The following RUNX2 variants were observed in gnomAD, a reference collection of about 807,000 sequenced individuals.
RUNX2 encodes runt-related transcription factor 2.
A neutral mutation model predicts 51.7 loss-of-function variants in RUNX2; 10 were observed. The observed-to-expected ratio is 0.19, with a 90% CI of 0.12 to 0.33. The LOEUF (loss-of-function observed/expected upper bound fraction) is 0.33. Ranked by LOEUF, RUNX2 falls within the 10% of genes least tolerant of loss-of-function variation. The pLI is 1.00. For missense variants in RUNX2, 562 were observed against 691.3 expected (o/e 0.81, Z 2.10); for synonymous variants, 276 against 273.6 (o/e 1.01, Z -0.09).
At chr6:45,521,719 T>A (rs542015180) in intron 7 of RUNX2, among the ~76,000 whole-genome samples, 3 of 152,304 alleles carry the variant, frequency 2.0e-5, no homozygotes, top group African/African-American at 7.2e-5. Flanking sequence ...CTGCCTGTTT[T>A]TTTTGACGCT....
chr6:45,547,389 T>C lies in RUNX2; in HGVS notation c.*84T>C, dbSNP rs1802435245. ...TACATATATAGAGAGAGTGCATATA[T>C]ATGTATATCGATTAGCTATCTACAA... On this transcript the variant is annotated 3_prime_UTR_variant, in exon 9 of 9. Transcript: ENST00000647337. 4 of 1,097,552 alleles carry C rather than the reference T, an allele frequency of 3.6e-6. No individual in the cohort carries two copies. In the Admixed American group the frequency reaches 5.1e-5, roughly 14 times the overall value. The allele number at this position is 1,097,552 out of a possible 1,614,324, so 68.0% of individuals were successfully genotyped here.
At chr6:45,451,811 C>A (rs1476554156) in intron 5 of RUNX2, among the ~76,000 whole-genome samples, 1 of 152,114 alleles carries the variant, frequency 6.6e-6, no homozygotes, top group Admixed American at 6.6e-5. Flanking sequence ...TTTAGTGATT[C>A]TCTGTGTGTT....
intron 2 of RUNX2, chr6:45,365,227 G>T: frequency 6.2e-7 from 1 of 1,611,682 alleles, no homozygotes; most frequent in Non-Finnish European, 8.5e-7. Context: ...CTGTTGCAAA[G>T]CTTATAGACT....
intron 4 of RUNX2, among the ~76,000 whole-genome samples, chr6:45,434,412 A>G (rs1798624731): frequency 1.3e-5 from 2 of 152,144 alleles, no homozygotes; most frequent in South Asian, 4.1e-4. Flanking sequence ...CAGTAGTGTT[A>G]TAAAAAAACA....
intron 7 of RUNX2, among the ~76,000 whole-genome samples, chr6:45,529,804 T>TGGG (rs1205987398): frequency 6.6e-6 from 1 of 152,184 alleles, no homozygotes; most frequent in Non-Finnish European, 1.5e-5. Flanking sequence ...TTTCTCCCCA[T>TGGG]GAGCCAAGAG....
chr6:45,401,060 G>A (rs9296459), intron 2 of RUNX2, among the ~76,000 whole-genome samples: 38,811 of 151,976 alleles, frequency 0.26, 6,052 homozygotes, highest in Non-Finnish European at 0.35. Flanking sequence ...GAAATTTTTC[G>A]TAATAAGATA....
chr6:45,422,993 AGCGGCGGAACCTGCCC>A (rs1487668855), intron 3 of RUNX2, 36 bp downstream of exon 3: 1 of 1,595,394 alleles, frequency 6.3e-7, no homozygotes, highest in Non-Finnish European at 8.5e-7. Context: ...CCCGGCCGGG[AGCGGCGGAACCTGCCC>A]GCCGGTGTCT....
intron 2 of RUNX2, among the ~76,000 whole-genome samples, chr6:45,337,968 A>C (rs865926698): frequency 6.6e-6 from 1 of 151,994 alleles, no homozygotes; most frequent in Non-Finnish European, 1.5e-5. Flanking sequence ...ATTTTAAAGG[A>C]TTCTAAATGC....
At chr6:45,537,933 A>C (rs1320086492) in intron 7 of RUNX2, among the ~76,000 whole-genome samples, 5 of 152,220 alleles carry the variant, frequency 3.3e-5, no homozygotes, top group Non-Finnish European at 7.3e-5. Flanking sequence ...GAATATTTTC[A>C]AGTCTCTTGT....
At chr6:45,400,099 AAAGG>A (rs1479818503) in intron 2 of RUNX2, among the ~76,000 whole-genome samples, 2 of 111,538 alleles carry the variant, frequency 1.8e-5, no homozygotes, top group South Asian at 7.3e-4. Flanking sequence ...AGGAAGGAAA[AAAGG>A]AAGGAAGGAA....
At chr6:45,353,115 T>G (rs1404774875) in intron 2 of RUNX2, among the ~76,000 whole-genome samples, 1 of 152,138 alleles carries the variant, frequency 6.6e-6, no homozygotes, top group Admixed American at 6.5e-5. Flanking sequence ...TCTCCAGTGT[T>G]GTTTCAAATA....
At chr6:45,376,939 C>T (rs1796872353) in intron 2 of RUNX2, among the ~76,000 whole-genome samples, 1 of 151,490 alleles carries the variant, frequency 6.6e-6, no homozygotes, top group Non-Finnish European at 1.5e-5. Flanking sequence ...ACCGAAATAA[C>T]TTAACATTTC....
Position 45,422,855 on chromosome 6 carries a change from C to G in RUNX2, c.321C>G (p.Ala107=), listed in dbSNP as rs368977633. 5.6e-6 allele frequency: 9 copies of G among 1,611,416 alleles called. No individual in the cohort carries two copies. The highest frequency in any genetic ancestry group is 7.6e-6 in the Non-Finnish European group (9 of 1,179,486). ...HDNRTMVEII[A]DHPAELVRTD... ...ACCGCACCATGGTGGAGATCATCGC[C>G]GACCACCCGGCCGAACTCGTCCGCA... The change falls in exon 3 of 9, where the codon GCC becomes GCG. Residue 107 remains alanine (A), a synonymous_variant. Transcript: ENST00000647337.
At chr6:45,369,558 C>A in intron 2 of RUNX2, among the ~76,000 whole-genome samples, 1 of 152,062 alleles carries the variant, frequency 6.6e-6, no homozygotes, top group East Asian at 1.9e-4. Flanking sequence ...GTCATTCCCT[C>A]CACTCTCCTC....
chr6:45,334,217 G>T (rs1041129315), intron 2 of RUNX2, among the ~76,000 whole-genome samples: 3 of 150,808 alleles, frequency 2.0e-5, no homozygotes, highest in African/African-American at 7.3e-5. Context: ...GTCAAATAAG[G>T]TAATTTTATT....
intron 2 of RUNX2, among the ~76,000 whole-genome samples, chr6:45,420,176 C>T (rs922366530): frequency 8.5e-5 from 13 of 152,176 alleles, no homozygotes; most frequent in African/African-American, 3.1e-4. Flanking sequence ...GACCCTCAGT[C>T]CCCCGCGCAT....
At chr6:45,518,815 A>G (rs1801412498) in intron 7 of RUNX2, among the ~76,000 whole-genome samples, 1 of 152,194 alleles carries the variant, frequency 6.6e-6, no homozygotes, top group Non-Finnish European at 1.5e-5. Flanking sequence ...TTTCCATCAA[A>G]GAAAACTTGA....
intron 5 of RUNX2, among the ~76,000 whole-genome samples, chr6:45,456,999 G>A (rs1799335691): frequency 1.3e-5 from 2 of 152,168 alleles, no homozygotes; most frequent in Non-Finnish European, 1.5e-5. Flanking sequence ...TGTGTAAGAT[G>A]TCACTATTTT....
At chr6:45,334,615 A>C (rs1206636095) in intron 2 of RUNX2, among the ~76,000 whole-genome samples, 1 of 151,246 alleles carries the variant, frequency 6.6e-6, no homozygotes, top group African/African-American at 2.4e-5. Context: ...TTTACACCGA[A>C]ACAAAATACG....
Sources: allele counts gnomAD v4.1 joint callset (sites outside exome capture counted in the v4.1 genomes callset), GRCh38; gene constraint gnomAD v4.1.1; transcripts MANE v1.5; gene names NCBI Gene and HGNC (gene_info 2026-07-23, HGNC 2026-07-21).